Variants in PCSK6 observed in about 807,000 individuals in gnomAD.
PCSK6 encodes the protein proprotein convertase subtilisin/kexin type 6.
PCSK6 carries 85 observed loss-of-function variants against 123.3 expected under a neutral mutation model. The observed-to-expected ratio is 0.69, with a 90% CI of 0.58 to 0.83. The LOEUF is 0.83. PCSK6 is among the 40% of genes least tolerant of loss of function. The probability of loss-of-function intolerance (pLI) is 0.00; values close to 1 mark genes in which losing one functional copy is unlikely to be tolerated. For synonymous variants in PCSK6, 508 were observed against 516.0 expected, an observed-to-expected ratio of 0.98 and a Z score of 0.21; for missense variants, 1,191 against 1,282.3, an observed-to-expected ratio of 0.93 and a Z score of 1.09.
chr15:101,323,731 GAAAAAAA>G, intron 17 of PCSK6, among the ~76,000 whole-genome samples: 1 of 128,246 alleles, frequency 7.8e-6, no homozygotes, highest in South Asian at 2.6e-4. Flanking sequence ...ACTCCATCTC[GAAAAAAA>G]AAAAAAAAGG....
At chr15:101,341,917 G>A (rs931094300) in intron 13 of PCSK6, among the ~76,000 whole-genome samples, 2 of 152,068 alleles carry the variant, frequency 1.3e-5, no homozygotes, top group African/African-American at 4.8e-5. Flanking sequence ...GTCACTTGAG[G>A]TCAGGAGTTC....
intron 19 of PCSK6, among the ~76,000 whole-genome samples, chr15:101,314,491 G>C (rs755023637): frequency 6.6e-6 from 1 of 152,230 alleles, no homozygotes; most frequent in Non-Finnish European, 1.5e-5. Context: ...GTTCGATTGT[G>C]GTCGCAGATC....
chr15:101,355,246 C>T (rs1160799408), intron 13 of PCSK6, among the ~76,000 whole-genome samples: 1 of 152,248 alleles, frequency 6.6e-6, no homozygotes. Flanking sequence ...TTGTCTCAGA[C>T]AGTCTATTTA....
intron 13 of PCSK6, chr15:101,346,795 T>C: frequency 7.3e-6 from 9 of 1,231,058 alleles, no homozygotes; most frequent in Non-Finnish European, 9.1e-6. Flanking sequence ...ACAAAGGTCA[T>C]CTTTTTGTTA....
intron 13 of PCSK6, among the ~76,000 whole-genome samples, chr15:101,362,248 G>GCA (rs2041252900): frequency 1.3e-5 from 2 of 152,162 alleles, no homozygotes; most frequent in Admixed American, 6.5e-5. Flanking sequence ...GAGCCACCAT[G>GCA]CCCAGCCCAA....
chr15:101,359,925 G>A (rs771489510), intron 13 of PCSK6, among the ~76,000 whole-genome samples: 7 of 152,188 alleles, frequency 4.6e-5, no homozygotes, highest in Non-Finnish European at 1.0e-4. Context: ...ATCTCTGCCT[G>A]GACTTGTGTA....
In PCSK6 at chr15:101,489,419, C is replaced by A; in HGVS notation, c.252G>T (p.Glu84Asp). Reference protein sequence around the residue: ...WAVQVLGGPAEADRVAAAHGY... With the variant: ...WAVQVLGGPADADRVAAAHGY... Reference sequence around the variant, plus strand: ...CGTGCGCCGCCGCCACGCGGTCCGCCTCGGCCGGGCCGCCCAGCACTTGCA... The same window carrying A: ...CGTGCGCCGCCGCCACGCGGTCCGCATCGGCCGGGCCGCCCAGCACTTGCA... Residue 84 changes from glutamate to aspartate, a missense_variant, in exon 1 of 22, where the codon GAG (glutamate) becomes GAT (aspartate). Physicochemically the swap from Glu to Asp is conservative, Grantham distance 45. This residue lies in a region of PCSK6 where 204 missense variants were observed against 166.4 expected (regional missense o/e 1.23). Coordinates refer to ENST00000611716, the MANE Select transcript of PCSK6 (RefSeq NM_002570.5). The A allele has an allele frequency of 7.8e-7, 1 of 1,282,958 alleles. No individual in the cohort carries two copies. The highest frequency in any genetic ancestry group is 1.0e-6 in the Non-Finnish European group (1 of 1,001,378). 79.5% of individuals were successfully genotyped at this position (1,282,958 alleles called of 1,614,324 possible).
chr15:101,459,476 C>T (rs987345117), intron 1 of PCSK6, among the ~76,000 whole-genome samples: 1 of 145,200 alleles, frequency 6.9e-6, no homozygotes, highest in African/African-American at 2.6e-5. Flanking sequence ...CGTCCCCCCA[C>T]CCTAAGTCCA....
At position 101,305,403 on chromosome 15, in the gene PCSK6, G is replaced by A. The variant is rs369155586; in HGVS notation, c.2813-48C>T. On this transcript the variant is annotated intron_variant, in intron 21 of 21. Transcript: ENST00000611716. The surrounding 1 kb of genome is among the most constrained non-coding windows in gnomAD (Gnocchi z 4.8). ...GCAAAAGAGGGAAAGGTCAGTCTTCGGTGCCTGTGAAGATTGTTTCAAGGC... is the reference window on the plus strand; with the variant it reads ...GCAAAAGAGGGAAAGGTCAGTCTTCAGTGCCTGTGAAGATTGTTTCAAGGC... 1.5e-5 allele frequency: 23 copies of A among 1,501,820 alleles called. No individual in the cohort carries two copies. Among genetic ancestry groups the A allele is most frequent in the Non-Finnish European group, 2.0e-5 (22 of 1,094,076 alleles). 93.0% of individuals were successfully genotyped at this position (1,501,820 alleles called of 1,614,324 possible).
chr15:101,356,866 G>A (rs2041059915), intron 13 of PCSK6, among the ~76,000 whole-genome samples: 1 of 152,152 alleles, frequency 6.6e-6, no homozygotes, highest in South Asian at 2.1e-4. Context: ...CTTGGCCTGG[G>A]AACTGAAGAG....
In PCSK6 at chr15:101,395,059, A is replaced by G. The variant is rs1030347391; in HGVS notation, c.997-1635T>C. On this transcript the variant is annotated intron_variant, in intron 7 of 21. Coordinates refer to ENST00000611716, the MANE Select transcript of PCSK6 (RefSeq NM_002570.5). The stretch of plus-strand genomic sequence containing the variant: ...CTGAAGCCGGTTTAAAGCAACTACA[A>G]TGCAAATCAAAAGGTATTTAACCCA... 2.9e-4 allele frequency among the ~76,000 whole-genome samples: 44 copies of G among 152,200 alleles called. 1 individual carries two copies. The highest frequency in any genetic ancestry group is 9.9e-4 in the African/African-American group (41 of 41,442).
intron 9 of PCSK6, among the ~76,000 whole-genome samples, chr15:101,388,581 T>C (rs943825700): frequency 2.0e-5 from 3 of 152,194 alleles, no homozygotes; most frequent in Non-Finnish European, 1.5e-5. Flanking sequence ...CAACCTAAAG[T>C]GTGGATTTGC....
intron 13 of PCSK6, chr15:101,337,464 A>G (rs528056066): frequency 6.6e-6 from 1 of 152,288 alleles, no homozygotes; most frequent in South Asian, 2.1e-4. Flanking sequence ...CTTTTTCCCT[A>G]GTTAGAATAA....
At chr15:101,414,514 A>G (rs2055817078) in intron 6 of PCSK6, among the ~76,000 whole-genome samples, 1 of 152,208 alleles carries the variant, frequency 6.6e-6, no homozygotes, top group Admixed American at 6.5e-5. Flanking sequence ...GACAGACAGA[A>G]GATGGCAGAG....
At chr15:101,365,377 G>C (rs574701998) in intron 13 of PCSK6, among the ~76,000 whole-genome samples, 1 of 152,122 alleles carries the variant, frequency 6.6e-6, no homozygotes, top group Admixed American at 6.6e-5. Flanking sequence ...CTACTAGAAC[G>C]CTTATAATTT....
intron 13 of PCSK6, among the ~76,000 whole-genome samples, chr15:101,356,377 T>C (rs2041040965): frequency 6.6e-6 from 1 of 151,996 alleles, no homozygotes; most frequent in Non-Finnish European, 1.5e-5. Context: ...AAAGGTGTGC[T>C]GGGCTGGGTG....
At chr15:101,347,126 C>G in intron 13 of PCSK6, 2 of 1,231,744 alleles carry the variant, frequency 1.6e-6, no homozygotes, top group African/African-American at 1.6e-5. Context: ...TCTATAATTG[C>G]ACTTTCCAGA....
At chr15:101,437,197 C>T (rs1330636064) in intron 2 of PCSK6, among the ~76,000 whole-genome samples, 1 of 152,210 alleles carries the variant, frequency 6.6e-6, no homozygotes, top group Admixed American at 6.5e-5. Context: ...CCAAGTTCTC[C>T]GAGTGAGGGA....
intron 13 of PCSK6, among the ~76,000 whole-genome samples, chr15:101,343,977 G>A (rs2040675549): frequency 1.3e-5 from 2 of 152,114 alleles, no homozygotes; most frequent in Non-Finnish European, 2.9e-5. Flanking sequence ...TCAGGAGGCT[G>A]AGGCAGGAGA....
Sources: allele counts gnomAD v4.1 joint callset (sites outside exome capture counted in the v4.1 genomes callset), GRCh38; gene constraint gnomAD v4.1.1; regional missense constraint gnomAD v4.1.1; non-coding constraint Gnocchi (gnomAD v3.1); transcripts MANE v1.5; gene names NCBI Gene and HGNC (gene_info 2026-07-23, HGNC 2026-07-21).